The following GRID2 variants were observed in gnomAD, a reference collection of about 807,000 sequenced individuals.
The protein encoded by GRID2 is glutamate ionotropic receptor delta type subunit 2, also known as glutamate receptor ionotropic, delta-2.
GRID2 carries 33 observed loss-of-function variants against 114.8 expected under a neutral mutation model. The ratio of observed to expected loss-of-function variants is 0.29; its 90% CI spans 0.22 to 0.38. GRID2 has a LOEUF of 0.38. Ranked by LOEUF, GRID2 falls within the 10% of genes least tolerant of loss-of-function variation. GRID2 has a pLI of 1.00. For missense variants in GRID2, 1,184 were observed against 1,257.7 expected (o/e 0.94, Z 0.89); for synonymous variants, 505 against 449.9 (o/e 1.12, Z -1.55).
intron 12 of GRID2, among the ~76,000 whole-genome samples, chr4:93,513,019 T>A (rs1729348552): frequency 6.6e-6 from 1 of 152,160 alleles, no homozygotes; most frequent in African/African-American, 2.4e-5. Context: ...TGCACTAAAC[T>A]GTGATCTCAC....
chr4:93,513,029 C>A (rs780732396), intron 12 of GRID2, among the ~76,000 whole-genome samples: 13 of 152,086 alleles, frequency 8.5e-5, no homozygotes, highest in Non-Finnish European at 1.8e-4. Flanking sequence ...TGTGATCTCA[C>A]CTCCATTAGA....
chr4:93,699,131 G>A (rs28484576), intron 14 of GRID2, among the ~76,000 whole-genome samples: 66,030 of 151,804 alleles, frequency 0.43, 14,781 homozygotes, highest in East Asian at 0.72. Context: ...TAACACCAAT[G>A]AAGAAATACT....
At chr4:92,498,697 C>T (rs752716784) in intron 1 of GRID2, among the ~76,000 whole-genome samples, 1 of 151,740 alleles carries the variant, frequency 6.6e-6, no homozygotes, top group Non-Finnish European at 1.5e-5. Flanking sequence ...AAACTTAAAA[C>T]ATCTGTGAGA....
chr4:92,463,125 G>A (rs988757973), intron 1 of GRID2, among the ~76,000 whole-genome samples: 12 of 151,836 alleles, frequency 7.9e-5, no homozygotes, highest in Non-Finnish European at 1.6e-4. Flanking sequence ...TAAATTGAAG[G>A]TTAAAAGTCC....
Position 93,433,220 on chromosome 4 carries a change from A to T in GRID2, c.1545+10252A>T, listed in dbSNP as rs115794052. Among the ~76,000 whole-genome samples, 1,131 of 152,366 alleles carry T rather than the reference A, an allele frequency of 7.4e-3. 12 individuals are homozygous for T. Among genetic ancestry groups the T allele is most frequent in the African/African-American group, 0.026 (1,061 of 41,590 alleles). On this transcript the variant is annotated intron_variant, in intron 10 of 15. Transcript: ENST00000282020. ...TAATATCTATCTGAATCATGACCCA[A>T]AATGATTGTTGTAAGGAATATCTAC...
At chr4:92,324,600 C>G (rs140406765) in intron 1 of GRID2, among the ~76,000 whole-genome samples, 20 of 131,026 alleles carry the variant, frequency 1.5e-4, no homozygotes, top group Non-Finnish European at 2.3e-4. Flanking sequence ...CATACAGACA[C>G]ACACACACAC....
intron 2 of GRID2, among the ~76,000 whole-genome samples, chr4:93,001,321 G>A (rs977200370): frequency 7.3e-5 from 11 of 151,542 alleles, no homozygotes; most frequent in South Asian, 4.1e-4. Context: ...TTCAACACAC[G>A]CCCTCCAATT....
At chr4:93,200,703 T>A (rs1023458384) in intron 4 of GRID2, among the ~76,000 whole-genome samples, 2 of 152,260 alleles carry the variant, frequency 1.3e-5, no homozygotes, top group African/African-American at 4.8e-5. Context: ...TATTGTGGGA[T>A]TGCAATTTAA....
chr4:93,806,635 T>A (rs1050257182), intron 1 of GRID2: 1 of 152,206 alleles, frequency 6.6e-6, no homozygotes. Flanking sequence ...CAATGCCTTA[T>A]AAGTAGTGAT....
intron 1 of GRID2, among the ~76,000 whole-genome samples, chr4:92,465,755 T>C (rs1310299815): frequency 6.6e-6 from 1 of 151,918 alleles, no homozygotes; most frequent in African/African-American, 2.4e-5. Context: ...TTAGAATAAA[T>C]GAGATTGTGA....
At chr4:93,505,347 T>A (rs1015265388) in intron 12 of GRID2, among the ~76,000 whole-genome samples, 6 of 152,012 alleles carry the variant, frequency 3.9e-5, no homozygotes, top group Admixed American at 3.3e-4. Context: ...TTTGAAGATA[T>A]CATCTTAACA....
intron 2 of GRID2, among the ~76,000 whole-genome samples, chr4:93,049,519 CA>C (rs1206738037): frequency 1.3e-5 from 2 of 151,152 alleles, no homozygotes; most frequent in South Asian, 2.1e-4. Context: ...ATCCCCCCCC[CA>C]AAAAAATTAA....
In GRID2 at chr4:93,635,991, C is replaced by T. The variant is rs537688400; in HGVS notation, c.2360+9556C>T. Reference sequence around the variant, plus strand: ...CACAAACCTAGACATCAAACAGCAACCCCATGGGGTAGATTTTTAAGTGAT... The same window carrying T: ...CACAAACCTAGACATCAAACAGCAATCCCATGGGGTAGATTTTTAAGTGAT... On this transcript the variant is annotated intron_variant, in intron 14 of 15. Transcript: ENST00000282020. 3.3e-5 allele frequency among the ~76,000 whole-genome samples: 5 copies of T among 152,316 alleles called. No individual in the cohort carries two copies. The South Asian group carries it at 1.0e-3, about 32-fold the overall frequency.
intron 1 of GRID2, among the ~76,000 whole-genome samples, chr4:92,311,725 T>C (rs1725716753): frequency 6.6e-6 from 1 of 152,072 alleles, no homozygotes; most frequent in Non-Finnish European, 1.5e-5. Context: ...CCTGAAAGTA[T>C]ATGGTAATAT....
intron 1 of GRID2, among the ~76,000 whole-genome samples, chr4:92,482,210 C>G (rs1449973066): frequency 6.6e-6 from 1 of 151,196 alleles, no homozygotes; most frequent in African/African-American, 2.4e-5. Context: ...CAAAATAACA[C>G]AGGAATAGAA....
At chr4:92,536,354 G>A (rs1477916691) in intron 1 of GRID2, among the ~76,000 whole-genome samples, 2 of 151,712 alleles carry the variant, frequency 1.3e-5, no homozygotes, top group African/African-American at 2.4e-5. Flanking sequence ...TGCATTTACA[G>A]TCCTTTAGCT....
intron 8 of GRID2, among the ~76,000 whole-genome samples, chr4:93,381,360 G>T (rs1763838682): frequency 6.6e-6 from 1 of 152,058 alleles, no homozygotes; most frequent in Non-Finnish European, 1.5e-5. Flanking sequence ...ATTTCACTTA[G>T]CATAATGTCC....
At chr4:93,537,451 A>C (rs1348068428) in intron 13 of GRID2, among the ~76,000 whole-genome samples, 1 of 151,790 alleles carries the variant, frequency 6.6e-6, no homozygotes, top group African/African-American at 2.4e-5. Flanking sequence ...ACATGGTAAA[A>C]AGTGATAATT....
intron 2 of GRID2, among the ~76,000 whole-genome samples, chr4:92,963,694 A>G (rs1414151851): frequency 6.6e-6 from 1 of 151,954 alleles, no homozygotes; most frequent in Non-Finnish European, 1.5e-5. Flanking sequence ...GATTATGTTG[A>G]TCACCTCCCA....
Sources: gnomAD v4.1 joint callset for allele counts (sites outside exome capture counted in the v4.1 genomes callset) on GRCh38, gnomAD v4.1.1 for gene constraint, MANE v1.5 for transcripts, NCBI Gene and HGNC (gene_info 2026-07-23, HGNC 2026-07-21) for gene names.